Variants in CAMTA1 observed in about 807,000 individuals in gnomAD.
The protein encoded by CAMTA1 is calmodulin binding transcription activator 1, also known as calmodulin-binding transcription activator 1.
Under a neutral mutation model 170.9 loss-of-function variants are expected in CAMTA1, and 27 were observed. The ratio of observed to expected loss-of-function variants is 0.16; its 90% CI spans 0.12 to 0.22. CAMTA1 has a LOEUF of 0.22. Ranked by LOEUF, CAMTA1 falls within the 10% of genes least tolerant of loss-of-function variation. The pLI is 1.00. For synonymous variants in CAMTA1, 833 were observed against 891.5 expected (o/e 0.93, Z 1.17); for missense variants, 1,619 against 2,217.2 (o/e 0.73, Z 5.42).
chr1:7,640,655 C>T (rs931938299), intron 7 of CAMTA1, 102 bp downstream of exon 7: 26 of 1,354,108 alleles, frequency 1.9e-5, no homozygotes, highest in Non-Finnish European at 2.4e-5. Context: ...GATGCGGGTC[C>T]GGAGCCCCAT....
intron 1 of CAMTA1, among the ~76,000 whole-genome samples, chr1:6,808,421 A>G (rs1244784480): frequency 1.3e-5 from 2 of 152,270 alleles, no homozygotes; most frequent in East Asian, 3.9e-4. Flanking sequence ...GCCTTGATTT[A>G]GAAGTTGCAC....
chr1:7,072,726 A>G (rs1638807506), intron 3 of CAMTA1, among the ~76,000 whole-genome samples: 1 of 152,218 alleles, frequency 6.6e-6, no homozygotes, highest in South Asian at 2.1e-4. Context: ...GCTGTGACCC[A>G]GAGGAAGTGA....
At chr1:6,986,939 T>C (rs1180626946) in intron 3 of CAMTA1, among the ~76,000 whole-genome samples, 1 of 152,106 alleles carries the variant, frequency 6.6e-6, no homozygotes, top group African/African-American at 2.4e-5. Context: ...GCATATCTTG[T>C]GGTGTTTATT....
intron 11 of CAMTA1, among the ~76,000 whole-genome samples, chr1:7,711,312 C>T (rs12133759): frequency 2.0e-5 from 3 of 152,168 alleles, no homozygotes; most frequent in Admixed American, 6.5e-5. Flanking sequence ...AATACCATCA[C>T]GTTGGGAGTT....
intron 5 of CAMTA1, among the ~76,000 whole-genome samples, chr1:7,379,260 T>C (rs2087089191): frequency 6.6e-6 from 1 of 152,240 alleles, no homozygotes; most frequent in Non-Finnish European, 1.5e-5. Context: ...TTTTCTAACT[T>C]AGCTTTCAAA....
chr1:7,744,322 G>C (rs2096841610), intron 16 of CAMTA1, among the ~76,000 whole-genome samples: 1 of 151,556 alleles, frequency 6.6e-6, no homozygotes, highest in African/African-American at 2.4e-5. Context: ...AGTAGGGACA[G>C]GGTTTCATCA....
intron 4 of CAMTA1, among the ~76,000 whole-genome samples, chr1:7,206,708 G>A (rs1358523763): frequency 2.6e-5 from 4 of 152,286 alleles, no homozygotes; most frequent in Non-Finnish European, 4.4e-5. Flanking sequence ...TTCCAAAGGC[G>A]TTAATTCTGT....
At chr1:7,760,191 A>G (rs2096964033) in intron 22 of CAMTA1, among the ~76,000 whole-genome samples, 1 of 152,214 alleles carries the variant, frequency 6.6e-6, no homozygotes, top group African/African-American at 2.4e-5. Flanking sequence ...CATATTTTCA[A>G]ACAACATATT....
At chr1:7,465,548 G>C (rs2093190889) in intron 5 of CAMTA1, among the ~76,000 whole-genome samples, 1 of 152,208 alleles carries the variant, frequency 6.6e-6, no homozygotes, top group South Asian at 2.1e-4. Flanking sequence ...GGAGTAACCG[G>C]GTTCTGGAGT....
intron 12 of CAMTA1, among the ~76,000 whole-genome samples, chr1:7,734,982 T>C (rs553832043): frequency 4.6e-5 from 7 of 152,346 alleles, no homozygotes; most frequent in South Asian, 4.1e-4. Flanking sequence ...TTATTTTTCT[T>C]CCATTACAAC....
intron 6 of CAMTA1, among the ~76,000 whole-genome samples, chr1:7,549,341 A>T (rs930187912): frequency 1.3e-5 from 2 of 151,922 alleles, no homozygotes; most frequent in African/African-American, 2.4e-5. Context: ...GTCCCTTCTC[A>T]TTTTCTTCCG....
In CAMTA1 at chr1:7,146,744, A is replaced by C. The variant is rs954209947; in HGVS notation, c.302+55373A>C. On this transcript the variant is annotated intron_variant, in intron 4 of 22. Coordinates refer to ENST00000303635, the MANE Select transcript of CAMTA1 (RefSeq NM_015215.4). The surrounding 1 kb of genome is among the most constrained non-coding windows in gnomAD (Gnocchi z 4.3). The stretch of plus-strand genomic sequence containing the variant: ...TTGCACACACACAAACACACACTCA[A>C]ACATAAACCATGCACACACACACAC... Among the ~76,000 whole-genome samples, 1 of 151,976 alleles carries C rather than the reference A, an allele frequency of 6.6e-6. No individual in the cohort carries two copies. The highest frequency in any genetic ancestry group is 1.5e-5 in the Non-Finnish European group (1 of 67,986).
At chr1:7,548,992 T>C (rs12749719) in intron 6 of CAMTA1, among the ~76,000 whole-genome samples, 25,761 of 97,724 alleles carry the variant, frequency 0.26, 3,925 homozygotes, top group East Asian at 0.42. Context: ...CCCTTAGGGG[T>C]AGAGGTGCTG....
intron 4 of CAMTA1, among the ~76,000 whole-genome samples, chr1:7,169,729 C>G (rs1649219910): frequency 1.3e-5 from 2 of 152,188 alleles, no homozygotes; most frequent in Non-Finnish European, 2.9e-5. Flanking sequence ...CCAGGCTGGT[C>G]TCGAACTCCT....
At chr1:7,306,108 A>G (rs772527579) in intron 5 of CAMTA1, among the ~76,000 whole-genome samples, 2 of 152,002 alleles carry the variant, frequency 1.3e-5, no homozygotes, top group Admixed American at 1.3e-4. Flanking sequence ...CCTAGAAGAA[A>G]AGTTTTACAA....
chr1:7,415,775 A>T (rs1230387477), intron 5 of CAMTA1, among the ~76,000 whole-genome samples: 2 of 150,722 alleles, frequency 1.3e-5, no homozygotes, highest in Non-Finnish European at 3.0e-5. Flanking sequence ...AGTTAATATT[A>T]TTATGTGTGA....
Position 7,338,081 on chromosome 1 carries a change from C to G in CAMTA1, c.438+88455C>G, listed in dbSNP as rs906960535. Among the ~76,000 whole-genome samples, 9 of 143,982 alleles carry G rather than the reference C, an allele frequency of 6.3e-5. No homozygotes were observed. In the East Asian group the frequency reaches 1.7e-3, roughly 28 times the overall value. 94.5% of individuals were successfully genotyped at this position (143,982 alleles called of 152,430 possible). A position where few individuals can be genotyped will look rare whatever the true frequency, so the allele number is the denominator to read the frequency against. On this transcript the variant is annotated intron_variant, in intron 5 of 22. Coordinates refer to ENST00000303635, the MANE Select transcript of CAMTA1 (RefSeq NM_015215.4). ...ACAATAGGACTACATATATATTGTC[C>G]TATTGGTTCTTTTTTGCTGGGGAAC...
At chr1:7,225,080 T>C (rs1292568977) in intron 4 of CAMTA1, among the ~76,000 whole-genome samples, 1 of 151,516 alleles carries the variant, frequency 6.6e-6, no homozygotes, top group Non-Finnish European at 1.5e-5. Flanking sequence ...CTTACTGATC[T>C]TGGCAGATCT....
Position 7,681,121 on chromosome 1 carries a change from C to G in CAMTA1, c.2914+3388C>G, listed in dbSNP as rs554189134. On this transcript the variant is annotated intron_variant, in intron 11 of 22. Coordinates refer to ENST00000303635, the MANE Select transcript of CAMTA1 (RefSeq NM_015215.4). This position sits in a 1 kb window ranked among gnomAD's most constrained non-coding sequence, Gnocchi z 4.6. Reference sequence around the variant, plus strand: ...CTGGATCCCGGAGCTGCAGCGCCTCCCCCAGACCTAGGGGTCTTCCCCTCC... The same window carrying G: ...CTGGATCCCGGAGCTGCAGCGCCTCGCCCAGACCTAGGGGTCTTCCCCTCC... Among the ~76,000 whole-genome samples the G allele has an allele frequency of 1.3e-5, 2 of 152,114 alleles. No homozygotes were observed. The highest frequency in any genetic ancestry group is 1.3e-4 in the Admixed American group (2 of 15,282).
Sources: gnomAD v4.1 joint callset for allele counts (sites outside exome capture counted in the v4.1 genomes callset) on GRCh38, gnomAD v4.1.1 for gene constraint, Gnocchi (gnomAD v3.1) non-coding constraint, MANE v1.5 for transcripts, NCBI Gene and HGNC (gene_info 2026-07-23, HGNC 2026-07-21) for gene names.